Variants in PHKB observed in about 807,000 individuals in gnomAD.
PHKB encodes phosphorylase kinase regulatory subunit beta, also known as phosphorylase b kinase regulatory subunit beta.
Under a neutral mutation model 152.1 loss-of-function variants are expected in PHKB, and 122 were observed. That is an observed-to-expected ratio of 0.80 (90% confidence interval 0.69 to 0.93). The LOEUF (loss-of-function observed/expected upper bound fraction) is 0.93, where lower values mean the gene tolerates loss of function less well. Among genes scored for constraint, PHKB ranks in the 40% least tolerant of loss-of-function variants. The probability of loss-of-function intolerance (pLI) is 0.00; values close to 1 mark genes in which losing one functional copy is unlikely to be tolerated. For synonymous variants in PHKB, 436 were observed against 464.9 expected (o/e 0.94, Z 0.80); for missense variants, 1,304 against 1,328.4 (o/e 0.98, Z 0.29).
At chr16:47,631,103 A>G (rs1015336470) in intron 14 of PHKB, among the ~76,000 whole-genome samples, 1 of 152,090 alleles carries the variant, frequency 6.6e-6, no homozygotes, top group South Asian at 2.1e-4. Flanking sequence ...TAATTGTGTG[A>G]GCCAATCCAT....
At chr16:47,535,177 T>TA (rs1467115491) in intron 6 of PHKB, among the ~76,000 whole-genome samples, 1 of 152,226 alleles carries the variant, frequency 6.6e-6, no homozygotes, top group African/African-American at 2.4e-5. Flanking sequence ...AATCAGCACT[T>TA]ACCTTCATTA....
chr16:47,655,541 G>A (rs185457630), intron 20 of PHKB, among the ~76,000 whole-genome samples: 1 of 152,308 alleles, frequency 6.6e-6, no homozygotes, highest in African/African-American at 2.4e-5. Context: ...ACAGTGCAAA[G>A]TGTGGTGATT....
chr16:47,599,891 A>T (rs989331047), intron 13 of PHKB, among the ~76,000 whole-genome samples: 1 of 152,232 alleles, frequency 6.6e-6, no homozygotes, highest in Non-Finnish European at 1.5e-5. Flanking sequence ...TAACTGTTGT[A>T]TACTAGCCCT....
At chr16:47,584,056 A>AG (rs1375504485) in intron 8 of PHKB, among the ~76,000 whole-genome samples, 3 of 152,076 alleles carry the variant, frequency 2.0e-5, no homozygotes, top group East Asian at 3.9e-4. Flanking sequence ...TTATTATTCA[A>AG]GGAAAAAAAA....
chr16:47,552,668 G>T (rs542898289), intron 7 of PHKB, among the ~76,000 whole-genome samples: 126 of 152,132 alleles, frequency 8.3e-4, no homozygotes, highest in African/African-American at 2.9e-3. Flanking sequence ...AATTAGCCGA[G>T]TGTGGTGGCG....
intron 6 of PHKB, among the ~76,000 whole-genome samples, chr16:47,526,507 G>T (rs1970770276): frequency 6.6e-6 from 1 of 151,964 alleles, no homozygotes; most frequent in Non-Finnish European, 1.5e-5. Flanking sequence ...TAATCATATA[G>T]CTGGTTTCCT....
chr16:47,687,914 G>A lies in PHKB; in HGVS notation c.2631-1127G>A, dbSNP rs570416107. Among the ~76,000 whole-genome samples, 17 of 152,228 alleles carry A rather than the reference G, an allele frequency of 1.1e-4. No individual in the cohort carries two copies. The South Asian group carries it at 2.9e-3, about 26-fold the overall frequency. ...GGTAAGGCTTAGCATTTTTTCTTAC[G>A]GTTCTCTACATTGAGAGACATTAGT... On this transcript the variant is annotated intron_variant, in intron 26 of 30. Transcript: ENST00000323584.
chr16:47,596,392 G>A lies in PHKB; in HGVS notation c.1224G>A (p.Lys408=), dbSNP rs376369267. The part of the protein sequence containing the change: ...HTTEGYPVVP[K]YYYVPADFVE... ...CCATAGGATATCCTGTTGTACCAAA[G>A]TACTATTATGTGCCAGCTGACTTTG... Residue 408 remains lysine (K), a synonymous_variant, in exon 13 of 31, where the codon AAG becomes AAA. Coordinates refer to ENST00000323584, the MANE Select transcript of PHKB (RefSeq NM_000293.3). The A allele has an allele frequency of 3.1e-6, 5 of 1,607,856 alleles. No homozygotes were observed. Among genetic ancestry groups the A allele is most frequent in the Non-Finnish European group, 3.4e-6 (4 of 1,174,442 alleles).
chr16:47,666,916 T>G (rs891443036), intron 25 of PHKB, among the ~76,000 whole-genome samples: 2 of 152,236 alleles, frequency 1.3e-5, no homozygotes, highest in African/African-American at 2.4e-5. Context: ...TGTGCTTTAT[T>G]GTGTTTTCCT....
At chr16:47,478,076 A>G (rs765681997) in intron 1 of PHKB, among the ~76,000 whole-genome samples, 2 of 152,188 alleles carry the variant, frequency 1.3e-5, no homozygotes, top group African/African-American at 4.8e-5. Flanking sequence ...TATAACATCT[A>G]TTTCTGGAAA....
chr16:47,680,855 T>C (rs1040084390), intron 26 of PHKB, among the ~76,000 whole-genome samples: 1 of 152,192 alleles, frequency 6.6e-6, no homozygotes, highest in African/African-American at 2.4e-5. Flanking sequence ...CTTTTAATTG[T>C]GATTTTAGGA....
At chr16:47,491,776 G>A (rs1970154505) in intron 1 of PHKB, among the ~76,000 whole-genome samples, 2 of 152,230 alleles carry the variant, frequency 1.3e-5, no homozygotes, top group South Asian at 2.1e-4. Flanking sequence ...ATTCTGAGAG[G>A]GATTTATCCA....
intron 7 of PHKB, among the ~76,000 whole-genome samples, chr16:47,560,828 A>G (rs1010718422): frequency 6.6e-6 from 1 of 152,268 alleles, no homozygotes; most frequent in Admixed American, 6.5e-5. Context: ...TACTCCAAAA[A>G]TTTATATATT....
At chr16:47,624,147 T>C (rs184675955) in intron 14 of PHKB, among the ~76,000 whole-genome samples, 4 of 152,346 alleles carry the variant, frequency 2.6e-5, no homozygotes, top group Admixed American at 6.5e-5. Flanking sequence ...CCTCATTTAT[T>C]TCTGTGAGCA....
intron 5 of PHKB, 98 bp from the exon 6 acceptor site, chr16:47,515,423 A>G (rs1970578567): frequency 5.5e-6 from 4 of 726,772 alleles, no homozygotes; most frequent in East Asian, 2.6e-5. Flanking sequence ...TTATGACACT[A>G]TTAGAGCAAA....
intron 18 of PHKB, among the ~76,000 whole-genome samples, chr16:47,649,643 C>T (rs1973199400): frequency 6.6e-6 from 1 of 152,148 alleles, no homozygotes; most frequent in African/African-American, 2.4e-5. Flanking sequence ...AGGTTAGAAT[C>T]ATGATTTAGA....
intron 16 of PHKB, 73 bp from the exon 17 acceptor site, chr16:47,648,460 A>G: frequency 9.6e-7 from 1 of 1,038,572 alleles, no homozygotes; most frequent in African/African-American, 1.6e-5. Context: ...AAAAATTAAC[A>G]GGACAATACT....
At position 47,485,554 on chromosome 16, in the gene PHKB, C is replaced by T. The variant is rs567124252; in HGVS notation, c.77-11845C>T. 5.9e-5 allele frequency among the ~76,000 whole-genome samples: 9 copies of T among 152,238 alleles called. 1 individual carries two copies. In the East Asian group the frequency reaches 1.4e-3, roughly 23 times the overall value. On this transcript the variant is annotated intron_variant, in intron 1 of 30. Coordinates refer to ENST00000323584, the MANE Select transcript of PHKB (RefSeq NM_000293.3). ...TTTGTAAACTGGTCATCAAAAGTTT[C>T]CTGAACACTGCTTCTTGGTCAGGAC...
In PHKB at chr16:47,669,204, G is replaced by A. The variant is rs753359219; in HGVS notation, c.2428-11G>A. 6.2e-6 allele frequency: 10 copies of A among 1,605,986 alleles called. No homozygotes were observed. In the Admixed American group the frequency reaches 1.7e-4, roughly 27 times the overall value. On this transcript the variant is annotated splice_polypyrimidine_tract_variant and intron_variant, in intron 25 of 30. Transcript: ENST00000323584. ...TAGGAGAATTTTACAATAAAATTCT[G>A]CCACTTGTAGGTAACTCTGGGTGCC...
Sources: gnomAD v4.1 joint callset for allele counts (sites outside exome capture counted in the v4.1 genomes callset) on GRCh38, gnomAD v4.1.1 for gene constraint, MANE v1.5 for transcripts, NCBI Gene and HGNC (gene_info 2026-07-23, HGNC 2026-07-21) for gene names.